Variants in RILPL1 observed in about 807,000 individuals in gnomAD.
The protein encoded by RILPL1 is RILP-like protein 1.
In RILPL1, 33 loss-of-function variants were observed where a neutral mutation model predicts 50.3. The ratio of observed to expected loss-of-function variants is 0.66; its 90% CI spans 0.50 to 0.88. The LOEUF (loss-of-function observed/expected upper bound fraction) is 0.88, where lower values mean the gene tolerates loss of function less well. RILPL1 is among the 40% of genes least tolerant of loss of function. The pLI is 0.00. For synonymous variants in RILPL1, 205 were observed against 228.6 expected (o/e 0.90, Z 0.93); for missense variants, 418 against 542.5 (o/e 0.77, Z 2.28).
intron 1 of RILPL1, 58 bp from the exon 2 acceptor site, chr12:123,523,703 C>T (rs1885152534): frequency 1.9e-6 from 3 of 1,562,142 alleles, no homozygotes; most frequent in Non-Finnish European, 1.7e-6. Flanking sequence ...CCGCCCCACC[C>T]ACTCCGACCC....
At chr12:123,511,051 GTGGT>G (rs1884119172) in intron 2 of RILPL1, among the ~76,000 whole-genome samples, 1 of 147,170 alleles carries the variant, frequency 6.8e-6, no homozygotes, top group Non-Finnish European at 1.5e-5. Flanking sequence ...CTGTGTGTGT[GTGGT>G]GTGTGGGGTC....
intron 4 of RILPL1, among the ~76,000 whole-genome samples, chr12:123,492,314 T>C (rs9697616): frequency 0.45 from 68,071 of 151,714 alleles, 16,784 homozygotes; most frequent in African/African-American, 0.63. Flanking sequence ...CAAGAAAACA[T>C]GCTAAGTTAA....
Position 123,498,273 on chromosome 12 carries a change from T to C in RILPL1, c.801+271A>G, listed in dbSNP as rs1225845057. On this transcript the variant is annotated intron_variant, in intron 4 of 6. Transcript: ENST00000376874. The surrounding 1 kb of genome is among the most constrained non-coding windows in gnomAD (Gnocchi z 4.3). The stretch of plus-strand genomic sequence containing the variant: ...CTCTGTTACCCAGGCTGCAGCGCAG[T>C]TGTGCAATCATGGCTCATTGCAGCC... Among the ~76,000 whole-genome samples, 2 of 151,936 alleles carry C rather than the reference T, an allele frequency of 1.3e-5. No homozygotes were observed. The highest frequency in any genetic ancestry group is 4.8e-5 in the African/African-American group (2 of 41,338).
At chr12:123,527,613 A>C (rs890294603) in intron 1 of RILPL1, among the ~76,000 whole-genome samples, 6 of 149,380 alleles carry the variant, frequency 4.0e-5, no homozygotes, top group Non-Finnish European at 7.4e-5. Flanking sequence ...CAGTGAGCCG[A>C]GATCATGCCA....
intron 2 of RILPL1, among the ~76,000 whole-genome samples, chr12:123,506,953 C>G (rs993730440): frequency 3.9e-5 from 6 of 152,080 alleles, no homozygotes; most frequent in Non-Finnish European, 8.8e-5. Flanking sequence ...CCTAAGACCC[C>G]ACAGAGACGT....
At chr12:123,529,351 A>C (rs1885370324) in intron 1 of RILPL1, among the ~76,000 whole-genome samples, 1 of 151,754 alleles carries the variant, frequency 6.6e-6, no homozygotes, top group Non-Finnish European at 1.5e-5. Flanking sequence ...GAGTGCAGTG[A>C]TATGATCTCG....
chr12:123,511,193 G>GTA, intron 2 of RILPL1, among the ~76,000 whole-genome samples: 1 of 131,870 alleles, frequency 7.6e-6, no homozygotes, highest in Non-Finnish European at 1.6e-5. Context: ...TGTGTGTGTG[G>GTA]TGTGTGAGGT....
At chr12:123,506,071 G>A (rs553266324) in intron 2 of RILPL1, among the ~76,000 whole-genome samples, 15 of 152,352 alleles carry the variant, frequency 9.8e-5, no homozygotes, top group African/African-American at 3.4e-4. Flanking sequence ...GTTGAGTGCC[G>A]TGACGGATGT....
intron 2 of RILPL1, among the ~76,000 whole-genome samples, chr12:123,504,350 G>A (rs191271033): frequency 4.6e-5 from 7 of 152,136 alleles, no homozygotes; most frequent in African/African-American, 1.7e-4. Flanking sequence ...TTGCATCAGA[G>A]TCCTTGCCGC....
chr12:123,514,124 T>C (rs1884552129), intron 2 of RILPL1: 2 of 152,198 alleles, frequency 1.3e-5, no homozygotes, highest in African/African-American at 4.8e-5. Context: ...TGGAGGACAA[T>C]TCAGCCATAA....
At position 123,533,395 on chromosome 12, in the gene RILPL1, T is replaced by C; in HGVS notation, c.88A>G (p.Ile30Val). 1 of 1,557,184 alleles carries C rather than the reference T, an allele frequency of 6.4e-7. No individual in the cohort carries two copies. Among genetic ancestry groups the C allele is most frequent in the African/African-American group, 1.4e-5 (1 of 73,478 alleles). The change falls in exon 1 of 7, where the codon ATC becomes GTC. Residue 30 changes from isoleucine to valine, a missense_variant. Transcript: ENST00000376874. This position sits in a 1 kb window ranked among gnomAD's most constrained non-coding sequence, Gnocchi z 6.2. ...AELTVMDVYD[I>V]ASLVGHEFER... is the part of the protein sequence containing the mutation. ...AACTCGTGGCCCACAAGCGACGCGA[T>C]GTCGTACACGTCCATGACGGTCAGC... is the stretch of plus-strand genomic sequence containing the variant.
chr12:123,526,831 G>A (rs1885278327), intron 1 of RILPL1, among the ~76,000 whole-genome samples: 2 of 152,130 alleles, frequency 1.3e-5, no homozygotes, highest in South Asian at 4.1e-4. Context: ...AAGCAGATGG[G>A]GCCTGGAAGC....
intron 5 of RILPL1, 40 bp from the exon 6 acceptor site, chr12:123,484,312 G>A (rs368915890): frequency 1.4e-4 from 189 of 1,344,446 alleles, no homozygotes; most frequent in Admixed American, 3.6e-4. Context: ...AGAGTCAAAA[G>A]TTCCTTGAGA....
intron 2 of RILPL1, among the ~76,000 whole-genome samples, chr12:123,520,693 C>T (rs1199789722): frequency 2.0e-5 from 3 of 152,172 alleles, no homozygotes; most frequent in Admixed American, 6.5e-5. Context: ...TCCAAGTCAC[C>T]GCGGCAGGGA....
In RILPL1 at chr12:123,489,295, G is replaced by C. The variant is rs1882539061; in HGVS notation, c.802-3490C>G. ...CCAGTACTTTGGGAGGCTGAGGCAGGCGGATCACCTGAAGTCAGGAGTTCG... is the reference window on the plus strand; with the variant it reads ...CCAGTACTTTGGGAGGCTGAGGCAGCCGGATCACCTGAAGTCAGGAGTTCG... On this transcript the variant is annotated intron_variant, in intron 4 of 6. Coordinates refer to ENST00000376874, the MANE Select transcript of RILPL1 (RefSeq NM_178314.5). This position sits in a 1 kb window ranked among gnomAD's most constrained non-coding sequence, Gnocchi z 4.0. Among the ~76,000 whole-genome samples the C allele has an allele frequency of 6.6e-6, 1 of 152,166 alleles. No individual in the cohort carries two copies. The highest frequency in any genetic ancestry group is 2.1e-4 in the South Asian group (1 of 4,834).
intron 2 of RILPL1, among the ~76,000 whole-genome samples, chr12:123,518,817 G>T (rs1884855677): frequency 6.6e-6 from 1 of 151,930 alleles, no homozygotes; most frequent in Admixed American, 6.6e-5. Flanking sequence ...CCAGCACTTT[G>T]GGAGGCCGAG....
chr12:123,494,787 A>G (rs1426527994), intron 4 of RILPL1, among the ~76,000 whole-genome samples: 1 of 152,134 alleles, frequency 6.6e-6, no homozygotes, highest in East Asian at 1.9e-4. Context: ...GTCTGCCACA[A>G]GCTCCTTCCC....
intron 4 of RILPL1, among the ~76,000 whole-genome samples, chr12:123,486,943 C>T (rs1209597656): frequency 6.6e-6 from 1 of 152,092 alleles, no homozygotes; most frequent in African/African-American, 2.4e-5. Context: ...GGATTACAGG[C>T]GCCTGCCATT....
At position 123,484,264 on chromosome 12, in the gene RILPL1, A is replaced by G. The variant is rs1393681297; in HGVS notation, c.983T>C (p.Met328Thr). 3.7e-6 allele frequency: 6 copies of G among 1,606,006 alleles called. No homozygotes were observed. The highest frequency in any genetic ancestry group is 2.7e-5 in the African/African-American group (2 of 74,736). Reference sequence around the variant, plus strand: ...TTGGGGTATTCGGTTTTCCTCTTCCATTTCTTCACTGGAAGGAGATGAGAG... The same window carrying G: ...TTGGGGTATTCGGTTTTCCTCTTCCGTTTCTTCACTGGAAGGAGATGAGAG... ...EELAYYKSEEMEEENRIPQPP... is the reference protein window; with the variant it reads ...EELAYYKSEETEEENRIPQPP... The change falls in exon 6 of 7, where the codon ATG becomes ACG. Residue 328 changes from methionine (M) to threonine (T), a missense_variant. By Grantham distance (81) the Met-to-Thr change is moderately conservative. Coordinates refer to ENST00000376874, the MANE Select transcript of RILPL1 (RefSeq NM_178314.5).
Sources: gnomAD v4.1 joint callset for allele counts (sites outside exome capture counted in the v4.1 genomes callset) on GRCh38, gnomAD v4.1.1 for gene constraint, Gnocchi (gnomAD v3.1) non-coding constraint, MANE v1.5 for transcripts, NCBI Gene and HGNC (gene_info 2026-07-23, HGNC 2026-07-21) for gene names.